LIMK1: variants seen among roughly 807,000 people sequenced by gnomAD.
LIMK1 encodes the protein LIM motif-containing protein kinase.
A neutral mutation model predicts 77.6 loss-of-function variants in LIMK1; 21 were observed. That is an observed-to-expected ratio of 0.27 (90% confidence interval 0.19 to 0.39). LIMK1 has a LOEUF of 0.39. Ranked by LOEUF, LIMK1 falls within the 10% of genes least tolerant of loss-of-function variation. The pLI, the probability that LIMK1 is intolerant of heterozygous loss-of-function variation, is 1.00. For missense variants in LIMK1, 696 were observed against 901.6 expected (o/e 0.77, Z 2.92); for synonymous variants, 358 against 370.0 (o/e 0.97, Z 0.37).
chr7:74,110,123 G>A (rs1034532572), intron 10 of LIMK1: 2 of 152,134 alleles, frequency 1.3e-5, no homozygotes, highest in Admixed American at 1.3e-4. Flanking sequence ...CGAGGCAGGA[G>A]GGTCACTAGA....
At chr7:74,116,386 C>G (rs1554699483) in intron 13 of LIMK1, among the ~76,000 whole-genome samples, 1 of 152,156 alleles carries the variant, frequency 6.6e-6, no homozygotes, top group African/African-American at 2.4e-5. Flanking sequence ...TGCACTCCAG[C>G]CTGGGTGACG....
chr7:74,105,712 C>T (rs1584120670), intron 5 of LIMK1, among the ~76,000 whole-genome samples, 163 bp from the exon 6 acceptor site: 1 of 152,198 alleles, frequency 6.6e-6, no homozygotes, highest in East Asian at 1.9e-4. Flanking sequence ...CAGAATTCCT[C>T]CCCTGAAACC....
At chr7:74,086,205 C>T (rs1799135601) in intron 2 of LIMK1, among the ~76,000 whole-genome samples, 1 of 150,856 alleles carries the variant, frequency 6.6e-6, no homozygotes, top group Non-Finnish European at 1.5e-5. Flanking sequence ...ACCACCACGC[C>T]CAGCTAATTT....
At chr7:74,102,410 C>T (rs891574431) in intron 5 of LIMK1, among the ~76,000 whole-genome samples, 17 of 146,606 alleles carry the variant, frequency 1.2e-4, no homozygotes, top group African/African-American at 4.3e-4. Flanking sequence ...ATTTATTGAT[C>T]GTTTGGGAGT....
At chr7:74,118,254 G>A (rs1554699919) in intron 13 of LIMK1, among the ~76,000 whole-genome samples, 1 of 151,604 alleles carries the variant, frequency 6.6e-6, no homozygotes, top group African/African-American at 2.4e-5. Context: ...GCACGCGTCT[G>A]TAGTCCCAGC....
intron 5 of LIMK1, among the ~76,000 whole-genome samples, chr7:74,104,657 G>A (rs782175676): frequency 2.6e-5 from 4 of 151,956 alleles, no homozygotes; most frequent in Non-Finnish European, 5.9e-5. Context: ...AGAAAACCAG[G>A]TCCCTAACAC....
At chr7:74,099,730 A>G (rs887451298) in intron 5 of LIMK1, among the ~76,000 whole-genome samples, 1 of 152,244 alleles carries the variant, frequency 6.6e-6, no homozygotes. Context: ...CTCTGTATCA[A>G]AAAAATAAAA....
chr7:74,106,568 C>T (rs1203509272), intron 7 of LIMK1, among the ~76,000 whole-genome samples: 2 of 152,176 alleles, frequency 1.3e-5, no homozygotes, highest in Non-Finnish European at 2.9e-5. Context: ...CAAGACCAGC[C>T]TGGCCAACAT....
chr7:74,091,199 C>T (rs1334621791), intron 2 of LIMK1, among the ~76,000 whole-genome samples: 1 of 151,144 alleles, frequency 6.6e-6, no homozygotes, highest in African/African-American at 2.4e-5. Context: ...GCTGGGATTA[C>T]AGGCGTGAGC....
chr7:74,093,481 G>A (rs1799277988), intron 2 of LIMK1, among the ~76,000 whole-genome samples: 2 of 152,204 alleles, frequency 1.3e-5, no homozygotes, highest in Admixed American at 6.5e-5. Flanking sequence ...TTCCAGGACA[G>A]TCTCCCCATG....
intron 11 of LIMK1, 96 bp downstream of exon 11, chr7:74,111,803 G>A (rs1799704635): frequency 1.6e-5 from 23 of 1,440,030 alleles, no homozygotes; most frequent in Admixed American, 1.8e-5. Flanking sequence ...AGAGGGGGTC[G>A]ATGGGAGAGT....
intron 5 of LIMK1, among the ~76,000 whole-genome samples, chr7:74,104,986 G>A (rs782000735): frequency 1.5e-4 from 23 of 152,102 alleles, no homozygotes; most frequent in African/African-American, 3.6e-4. Flanking sequence ...ACGGAGTCTC[G>A]CTCTGTCCAC....
intron 5 of LIMK1, among the ~76,000 whole-genome samples, chr7:74,101,801 CAT>C (rs10552134): frequency 0.81 from 119,067 of 146,120 alleles, 48,315 homozygotes; most frequent in Middle Eastern, 0.88. Context: ...ATATGTATGT[CAT>C]ATATATATAT....
At chr7:74,087,659 T>A (rs1554694232) in intron 2 of LIMK1, among the ~76,000 whole-genome samples, 1 of 151,322 alleles carries the variant, frequency 6.6e-6, no homozygotes, top group African/African-American at 2.4e-5. Context: ...GCGCGATCCC[T>A]CCTCACTGCA....
intron 2 of LIMK1, among the ~76,000 whole-genome samples, chr7:74,092,877 C>T (rs542889647): frequency 2.0e-5 from 3 of 152,298 alleles, no homozygotes; most frequent in African/African-American, 7.2e-5. Flanking sequence ...TTGAGCTTGT[C>T]CCTGTCCCCA....
At chr7:74,093,386 G>T (rs1269428280) in intron 2 of LIMK1, 2 of 1,474,896 alleles carry the variant, frequency 1.4e-6, no homozygotes, top group African/African-American at 2.8e-5. Flanking sequence ...GACCCACCTA[G>T]GTCCAGGCTC....
chr7:74,085,947 G>A (rs964268074), intron 2 of LIMK1, 103 bp downstream of exon 2: 8 of 793,996 alleles, frequency 1.0e-5, no homozygotes, highest in Admixed American at 2.2e-5. Flanking sequence ...TCCTGGTGCC[G>A]TCCCCTATTG....
chr7:74,106,970 C>T (rs1156883466), intron 7 of LIMK1, 40 bp from the exon 8 acceptor site: 2 of 1,511,408 alleles, frequency 1.3e-6, no homozygotes, highest in African/African-American at 1.4e-5. Flanking sequence ...CGGGTGCTAC[C>T]TGTCCCCCGG....
intron 10 of LIMK1, chr7:74,110,181 C>T (rs914653402): frequency 2.6e-5 from 4 of 152,080 alleles, no homozygotes; most frequent in Non-Finnish European, 4.4e-5. Flanking sequence ...GATCCCAATC[C>T]CATCTCTACA....
Sources: gnomAD v4.1 joint callset for allele counts (sites outside exome capture counted in the v4.1 genomes callset) on GRCh38, gnomAD v4.1.1 for gene constraint, MANE v1.5 for transcripts, NCBI Gene and HGNC (gene_info 2026-07-23, HGNC 2026-07-21) for gene names.